Variants in CIP2A observed in about 807,000 individuals in gnomAD.
CIP2A encodes cellular inhibitor of PP2A, also known as protein CIP2A.
In CIP2A, 103 loss-of-function variants were observed where a neutral mutation model predicts 110.9. The observed-to-expected ratio is 0.93, with a 90% CI of 0.79 to 1.09. CIP2A has a LOEUF of 1.09. Among genes scored for constraint, CIP2A ranks in the 50% least tolerant of loss-of-function variants. The probability of loss-of-function intolerance (pLI) is 0.00; values close to 1 mark genes in which losing one functional copy is unlikely to be tolerated. For missense variants in CIP2A, 1,088 were observed against 1,038.4 expected, an observed-to-expected ratio of 1.05 and a Z score of -0.66; for synonymous variants, 381 against 361.6, an observed-to-expected ratio of 1.05 and a Z score of -0.61.
intron 13 of CIP2A, 23 bp downstream of exon 13, chr3:108,563,103 C>T: frequency 6.9e-7 from 1 of 1,441,996 alleles, no homozygotes; most frequent in Non-Finnish European, 9.8e-7. Context: ...ACAAGAGATA[C>T]ACTGCAAATG....
intron 8 of CIP2A, among the ~76,000 whole-genome samples, chr3:108,570,790 A>G (rs1267837848): frequency 2.0e-5 from 3 of 152,252 alleles, no homozygotes; most frequent in African/African-American, 7.2e-5. Context: ...TGTATGCTTA[A>G]GCTACACTAT....
At chr3:108,566,663 C>T in intron 10 of CIP2A, 25 bp from the exon 11 acceptor site, 1 of 1,479,188 alleles carries the variant, frequency 6.8e-7, no homozygotes, top group East Asian at 2.4e-5. Flanking sequence ...AGATATACAA[C>T]AAAAAAATTC....
At chr3:108,558,902 T>C (rs1209604685) in intron 16 of CIP2A, among the ~76,000 whole-genome samples, 1 of 152,144 alleles carries the variant, frequency 6.6e-6, no homozygotes, top group African/African-American at 2.4e-5. Context: ...AATCCTTATA[T>C]GCCAAACTAA....
chr3:108,575,445 T>TAC (rs199517187), intron 8 of CIP2A, among the ~76,000 whole-genome samples: 9,689 of 149,204 alleles, frequency 0.065, 423 homozygotes, highest in Admixed American at 0.13. Context: ...CATACATATA[T>TAC]ACATATACAT....
Position 108,563,206 on chromosome 3 carries a change from C to T in CIP2A, c.1554G>A (p.Thr518=), listed in dbSNP as rs200373963. ...ACTGTACTTGTTCTCTATTATCTGA[C>T]GTTAAAGCAAAAGCCAAAGGAGTAA... is the stretch of plus-strand genomic sequence containing the variant. ...RLITPLAFAL[T]SDNREQVQSG... Residue 518 remains threonine (T), a synonymous_variant, in exon 13 of 21, where the codon ACG becomes ACA. Coordinates refer to ENST00000295746, the MANE Select transcript of CIP2A (RefSeq NM_020890.3). 18 of 1,612,402 alleles carry T rather than the reference C, an allele frequency of 1.1e-5. No homozygotes were observed. The highest frequency in any genetic ancestry group is 8.9e-5 in the East Asian group (4 of 44,800).
At position 108,579,265 on chromosome 3, in the gene CIP2A, C is replaced by G. The variant is rs759917488; in HGVS notation, c.818+16G>C. On this transcript the variant is annotated intron_variant, in intron 7 of 20. Transcript: ENST00000295746. ...AAAAATAAAAAAGTTCTAAAATTGA[C>G]TGAAGTGAGTCATACCTGGTGAGAT... 1.9e-6 allele frequency: 3 copies of G among 1,583,254 alleles called. No individual in the cohort carries two copies. The South Asian group carries it at 3.5e-5, about 18-fold the overall frequency.
At position 108,553,698 on chromosome 3, in the gene CIP2A, T is replaced by C; in HGVS notation, c.2357A>G (p.Gln786Arg). The change falls in exon 19 of 21, where the codon CAG (glutamine) becomes CGG (arginine). Residue 786 changes from glutamine (Q) to arginine (R), a missense_variant. By Grantham distance (43) the Gln-to-Arg change is conservative. Transcript: ENST00000295746. The stretch of plus-strand genomic sequence containing the variant: ...TAGCTGATTCTGTACTTCTTTTCTC[T>C]GTTCTTCTTTCTCTATTAATTGGGC... ...SIAQLIEKEE[Q>R]RKEVQNQLVD... 2.7e-6 allele frequency: 4 copies of C among 1,501,490 alleles called. No individual in the cohort carries two copies. The highest frequency in any genetic ancestry group is 3.7e-6 in the Non-Finnish European group (4 of 1,079,778). 93.0% of individuals were successfully genotyped at this position (1,501,490 alleles called of 1,614,324 possible).
chr3:108,572,007 T>A (rs1559697046), intron 8 of CIP2A, among the ~76,000 whole-genome samples: 1 of 152,120 alleles, frequency 6.6e-6, no homozygotes, highest in African/African-American at 2.4e-5. Context: ...ATTGACCAAT[T>A]CAACTTTTTT....
intron 4 of CIP2A, 100 bp downstream of exon 4, chr3:108,582,008 T>C (rs1352419418): frequency 3.5e-6 from 2 of 564,346 alleles, no homozygotes; most frequent in Non-Finnish European, 6.4e-6. Flanking sequence ...TCAGTTTATA[T>C]GTTAGAAAAT....
At chr3:108,577,544 T>C (rs1343549883) in intron 7 of CIP2A, among the ~76,000 whole-genome samples, 1 of 152,164 alleles carries the variant, frequency 6.6e-6, no homozygotes, top group Non-Finnish European at 1.5e-5. Flanking sequence ...TAGATATTTA[T>C]TTTCTGTGAA....
intron 1 of CIP2A, among the ~76,000 whole-genome samples, chr3:108,586,460 CA>C (rs1365547583): frequency 1.3e-5 from 2 of 152,192 alleles, no homozygotes; most frequent in African/African-American, 4.8e-5. Context: ...AATTGTCTAA[CA>C]TGTAATAATT....
chr3:108,581,357 C>T, intron 5 of CIP2A, 58 bp downstream of exon 5: 1 of 1,196,572 alleles, frequency 8.4e-7, no homozygotes, highest in Non-Finnish European at 1.2e-6. Context: ...ATACAATTTT[C>T]TTTAAGCAGA....
intron 5 of CIP2A, among the ~76,000 whole-genome samples, 155 bp downstream of exon 5, chr3:108,581,260 T>A (rs549769032): frequency 6.6e-6 from 1 of 152,230 alleles, no homozygotes; most frequent in Admixed American, 6.5e-5. Flanking sequence ...TTCAAGTTAT[T>A]TGTATGTCAA....
At position 108,557,259 on chromosome 3, in the gene CIP2A, T is replaced by A; in HGVS notation, c.2169A>T (p.Glu723Asp). 1 of 1,604,702 alleles carries A rather than the reference T, an allele frequency of 6.2e-7. No homozygotes were observed. Among genetic ancestry groups the A allele is most frequent in the Non-Finnish European group, 8.5e-7 (1 of 1,173,830 alleles). ...HNRKLESVAE[E>D]HEILTKSYME... The stretch of plus-strand genomic sequence containing the variant: ...TGTAGGATTTTGTCAGTATTTCATG[T>A]TCTTCAGCCACAGACTCTAACTTCC... Residue 723 changes from glutamate to aspartate, a missense_variant, in exon 17 of 21, where the codon GAA (glutamate) becomes GAT (aspartate). Transcript: ENST00000295746.
At chr3:108,575,944 A>ATACATATATGTGTATATATATGTG (rs920618498) in intron 8 of CIP2A, among the ~76,000 whole-genome samples, 2 of 150,630 alleles carry the variant, frequency 1.3e-5, no homozygotes, top group African/African-American at 2.4e-5. Context: ...ATACGTATAT[A>ATACATATATGTGTATATATATGTG]TACATATATG....
rs562759880 is a variant in CIP2A, at chr3:108,550,400, T to C, written c.*749A>G. 3.3e-5 allele frequency: 5 copies of C among 151,614 alleles called. No homozygotes were observed. Among genetic ancestry groups the C allele is most frequent in the South Asian group, 4.2e-4 (2 of 4,792 alleles). The allele number at this position is 151,614 out of a possible 1,614,324, so 9.4% of individuals were successfully genotyped here. On this transcript the variant is annotated 3_prime_UTR_variant, in exon 21 of 21. Coordinates refer to ENST00000295746, the MANE Select transcript of CIP2A (RefSeq NM_020890.3). ...ATCATAAGAAACTTATAATTAATTA[T>C]AGATGATCTGGACCACTATGCAACA...
chr3:108,553,529 C>T (rs1937649437), intron 19 of CIP2A, 119 bp downstream of exon 19: 2 of 884,518 alleles, frequency 2.3e-6, no homozygotes, highest in African/African-American at 1.8e-5. Context: ...GGAAGCCATT[C>T]CAAATATGAT....
intron 12 of CIP2A, among the ~76,000 whole-genome samples, chr3:108,564,256 C>T (rs765842420): frequency 1.3e-5 from 2 of 151,848 alleles, no homozygotes; most frequent in Admixed American, 6.6e-5. Flanking sequence ...CAAGCCTGTA[C>T]TAAGAACCAG....
Position 108,589,412 on chromosome 3 carries a change from C to T in CIP2A, c.-37G>A. On this transcript the variant is annotated 5_prime_UTR_variant, in exon 1 of 21. Coordinates refer to ENST00000295746, the MANE Select transcript of CIP2A (RefSeq NM_020890.3). ...CGGCCCGGCTTAGGGACCACCACCG[C>T]CCAGCGTGCGCCGGCCTTTAGCTTT... The T allele has an allele frequency of 6.8e-7, 1 of 1,474,450 alleles. No individual in the cohort carries two copies. 91.3% of individuals were successfully genotyped at this position (1,474,450 alleles called of 1,614,324 possible).
Sources: gnomAD v4.1 joint callset for allele counts (sites outside exome capture counted in the v4.1 genomes callset) on GRCh38, gnomAD v4.1.1 for gene constraint, MANE v1.5 for transcripts, NCBI Gene and HGNC (gene_info 2026-07-23, HGNC 2026-07-21) for gene names.